TMCC1: variants seen among roughly 807,000 people sequenced by gnomAD.
The protein encoded by TMCC1 is transmembrane and coiled-coil domains protein 1.
TMCC1 carries 15 observed loss-of-function variants against 52.4 expected under a neutral mutation model. The ratio of observed to expected loss-of-function variants is 0.29; its 90% confidence interval spans 0.19 to 0.44. TMCC1 has a LOEUF of 0.44. Ranked by LOEUF, TMCC1 falls within the 20% of genes least tolerant of loss-of-function variation. The probability of loss-of-function intolerance (pLI) is 1.00; values close to 1 mark genes in which losing one functional copy is unlikely to be tolerated. For synonymous variants in TMCC1, 279 were observed against 301.9 expected (o/e 0.92, Z 0.79); for missense variants, 503 against 806.0 (o/e 0.62, Z 4.55).
intron 4 of TMCC1, among the ~76,000 whole-genome samples, chr3:129,691,305 T>C (rs1291899253): frequency 6.6e-6 from 1 of 152,170 alleles, no homozygotes; most frequent in Non-Finnish European, 1.5e-5. Context: ...CCCAGCACTT[T>C]AGGAAGGCTG....
intron 3 of TMCC1, among the ~76,000 whole-genome samples, chr3:129,829,669 AC>A (rs2058820350): frequency 6.6e-6 from 1 of 152,198 alleles, no homozygotes; most frequent in African/African-American, 2.4e-5. Context: ...TCCCTACACT[AC>A]CAAGTACTTC....
At chr3:129,770,908 A>G (rs2054520034) in intron 4 of TMCC1, among the ~76,000 whole-genome samples, 1 of 152,238 alleles carries the variant, frequency 6.6e-6, no homozygotes, top group African/African-American at 2.4e-5. Flanking sequence ...CTAAACAGTC[A>G]TAATTAAAAT....
At chr3:129,763,634 A>T (rs2053840740) in intron 4 of TMCC1, among the ~76,000 whole-genome samples, 1 of 151,736 alleles carries the variant, frequency 6.6e-6, no homozygotes, top group South Asian at 2.1e-4. Flanking sequence ...GAACTTAATA[A>T]AAGCCAGATA....
chr3:129,720,395 T>A (rs1013773882), intron 4 of TMCC1, among the ~76,000 whole-genome samples: 1 of 152,196 alleles, frequency 6.6e-6, no homozygotes, highest in Non-Finnish European at 1.5e-5. Context: ...ACACTTTACA[T>A]CTCAGTTATT....
intron 4 of TMCC1, among the ~76,000 whole-genome samples, chr3:129,770,543 ACTCCAG>A (rs2054480457): frequency 6.6e-6 from 1 of 152,048 alleles, no homozygotes; most frequent in Non-Finnish European, 1.5e-5. Context: ...ACACCACTGT[ACTCCAG>A]CCTGGGTGAC....
At chr3:129,657,841 G>C (rs1263219976) in intron 5 of TMCC1, among the ~76,000 whole-genome samples, 2 of 152,224 alleles carry the variant, frequency 1.3e-5, no homozygotes, top group South Asian at 4.1e-4. Context: ...CTGCAAAACA[G>C]TTTGGCACCT....
At chr3:129,892,409 C>A (rs2062009792) in intron 1 of TMCC1, among the ~76,000 whole-genome samples, 1 of 152,184 alleles carries the variant, frequency 6.6e-6, no homozygotes, top group Non-Finnish European at 1.5e-5. Flanking sequence ...AAAACTACCA[C>A]CTACTCACAA....
intron 4 of TMCC1, among the ~76,000 whole-genome samples, chr3:129,707,671 C>T (rs892563313): frequency 1.3e-5 from 2 of 152,152 alleles, no homozygotes; most frequent in Admixed American, 6.5e-5. Flanking sequence ...TGGTGGCTCA[C>T]GCCTGTAATC....
At chr3:129,760,494 G>A (rs1290517929) in intron 4 of TMCC1, among the ~76,000 whole-genome samples, 1 of 145,088 alleles carries the variant, frequency 6.9e-6, no homozygotes, top group African/African-American at 2.6e-5. Context: ...GTGTGTGTGT[G>A]TTTTTGAGAC....
At chr3:129,751,990 A>G (rs895018640) in intron 4 of TMCC1, among the ~76,000 whole-genome samples, 1 of 152,200 alleles carries the variant, frequency 6.6e-6, no homozygotes, top group Non-Finnish European at 1.5e-5. Flanking sequence ...ATTGCTTTAA[A>G]TGTATGGGAT....
intron 4 of TMCC1, among the ~76,000 whole-genome samples, chr3:129,694,364 C>G (rs1462528956): frequency 4.6e-5 from 7 of 152,218 alleles, no homozygotes; most frequent in Non-Finnish European, 8.8e-5. Context: ...TGTGGCTACA[C>G]CTATGTGAAT....
chr3:129,858,364 T>C (rs2060236680), intron 2 of TMCC1, among the ~76,000 whole-genome samples: 1 of 84,014 alleles, frequency 1.2e-5, no homozygotes, highest in African/African-American at 4.7e-5. Flanking sequence ...TACTATAATT[T>C]CCCATTTTAC....
chr3:129,888,942 A>G (rs2061842519), intron 1 of TMCC1, among the ~76,000 whole-genome samples: 1 of 152,142 alleles, frequency 6.6e-6, no homozygotes, highest in Non-Finnish European at 1.5e-5. Context: ...ACCACAATGA[A>G]AACATCAGAT....
At chr3:129,881,019 A>G (rs1410335869) in intron 1 of TMCC1, among the ~76,000 whole-genome samples, 1 of 152,008 alleles carries the variant, frequency 6.6e-6, no homozygotes, top group Non-Finnish European at 1.5e-5. Context: ...GCTTACCACC[A>G]TGCCAGGCTA....
intron 4 of TMCC1, among the ~76,000 whole-genome samples, chr3:129,806,572 C>T (rs1280394588): frequency 6.6e-6 from 1 of 152,172 alleles, no homozygotes; most frequent in East Asian, 1.9e-4. Context: ...ATTTTAATGC[C>T]TCTCTCAAAT....
At chr3:129,783,504 A>C (rs960837392) in intron 4 of TMCC1, among the ~76,000 whole-genome samples, 4 of 152,136 alleles carry the variant, frequency 2.6e-5, no homozygotes, top group Non-Finnish European at 5.9e-5. Context: ...ACCTCCTGAC[A>C]AAGACTTTCA....
chr3:129,863,171 C>CCA (rs1298995447), intron 2 of TMCC1, among the ~76,000 whole-genome samples: 1 of 151,984 alleles, frequency 6.6e-6, no homozygotes. Flanking sequence ...TATACTGTAC[C>CCA]CATACACTGT....
intron 2 of TMCC1, among the ~76,000 whole-genome samples, chr3:129,848,816 A>G (rs1254100080): frequency 6.6e-6 from 1 of 152,108 alleles, no homozygotes; most frequent in African/African-American, 2.4e-5. Flanking sequence ...TAACTCTTCA[A>G]ATCTAATACT....
chr3:129,865,733 A>G (rs2060593617), intron 2 of TMCC1, among the ~76,000 whole-genome samples: 1 of 152,236 alleles, frequency 6.6e-6, no homozygotes, highest in African/African-American at 2.4e-5. Context: ...GAAGTAAAAA[A>G]GAAAGAAATT....
Sources: gnomAD v4.1 joint callset for allele counts (sites outside exome capture counted in the v4.1 genomes callset) on GRCh38, gnomAD v4.1.1 for gene constraint, MANE v1.5 for transcripts, NCBI Gene and HGNC (gene_info 2026-07-23, HGNC 2026-07-21) for gene names.